The following CACNA2D3 variants were observed in gnomAD, a reference collection of about 807,000 sequenced individuals.
The protein encoded by CACNA2D3 is voltage-dependent calcium channel subunit alpha-2/delta-3.
In CACNA2D3, 60 loss-of-function variants were observed where a neutral mutation model predicts 160.6. That is an observed-to-expected ratio of 0.37 (90% confidence interval 0.30 to 0.46). CACNA2D3 has a LOEUF of 0.46. Ranked by LOEUF, CACNA2D3 falls within the 20% of genes least tolerant of loss-of-function variation. CACNA2D3 has a pLI of 1.00. For missense variants in CACNA2D3, 1,205 were observed against 1,365.0 expected (o/e 0.88, Z 1.85); for synonymous variants, 558 against 492.9 (o/e 1.13, Z -1.75).
chr3:54,799,409 TTC>T (rs762448801), intron 13 of CACNA2D3, among the ~76,000 whole-genome samples: 1 of 152,208 alleles, frequency 6.6e-6, no homozygotes, highest in African/African-American at 2.4e-5. Flanking sequence ...GAAGATTTTG[TTC>T]ACTTTCCAAT....
rs1487131674 is a variant in CACNA2D3 at position 54,321,937 on chromosome 3, A to AC, written c.321+1379_321+1380insC. Reference sequence around the variant, plus strand: ...GAAATCCTTGCAAAAAAAAAAAAAAAAAAAACTAGTAACAGCATTGTCAAT... The same window carrying AC: ...GAAATCCTTGCAAAAAAAAAAAAAAACAAAAACTAGTAACAGCATTGTCAAT... On this transcript the variant is annotated intron_variant, in intron 3 of 37. Transcript: ENST00000474759. 3.9e-5 allele frequency among the ~76,000 whole-genome samples: 6 copies of AC among 152,182 alleles called. No individual in the cohort carries two copies. The East Asian group carries it at 1.2e-3, about 29-fold the overall frequency.
At chr3:54,647,735 G>C (rs985762026) in intron 11 of CACNA2D3, among the ~76,000 whole-genome samples, 1 of 152,234 alleles carries the variant, frequency 6.6e-6, no homozygotes, top group Non-Finnish European at 1.5e-5. Flanking sequence ...AAGCATTTTA[G>C]AGTGAGTTGG....
intron 13 of CACNA2D3, among the ~76,000 whole-genome samples, chr3:54,778,416 C>G (rs1363370713): frequency 2.6e-5 from 4 of 152,034 alleles, no homozygotes; most frequent in African/African-American, 7.2e-5. Flanking sequence ...CTGCTTTTCT[C>G]TCTGCAGGAA....
intron 5 of CACNA2D3, among the ~76,000 whole-genome samples, chr3:54,519,370 G>A (rs1284260801): frequency 6.6e-6 from 1 of 152,180 alleles, no homozygotes. Flanking sequence ...CAATCTGGGG[G>A]ACGCTCTGAT....
At chr3:54,706,616 C>G (rs1323220818) in intron 11 of CACNA2D3, among the ~76,000 whole-genome samples, 6 of 152,132 alleles carry the variant, frequency 3.9e-5, no homozygotes, top group Non-Finnish European at 8.8e-5. Flanking sequence ...TAGACTGTAC[C>G]TTTTACTGAA....
At chr3:54,176,497 T>C (rs1700680993) in intron 2 of CACNA2D3, among the ~76,000 whole-genome samples, 1 of 152,222 alleles carries the variant, frequency 6.6e-6, no homozygotes, top group Non-Finnish European at 1.5e-5. Context: ...CATTTTATAA[T>C]GTTTTAATTC....
chr3:54,394,250 T>C (rs1302754885), intron 4 of CACNA2D3, among the ~76,000 whole-genome samples: 1 of 151,550 alleles, frequency 6.6e-6, no homozygotes. Context: ...AGCTGCTTGG[T>C]TGTGCCCCAG....
At chr3:54,318,385 C>T (rs1347499185) in intron 2 of CACNA2D3, among the ~76,000 whole-genome samples, 5 of 151,886 alleles carry the variant, frequency 3.3e-5, no homozygotes, top group East Asian at 3.9e-4. Flanking sequence ...TTTCAGGGAG[C>T]GGGGGGAAAC....
chr3:54,217,854 C>T (rs780143215), intron 2 of CACNA2D3, among the ~76,000 whole-genome samples: 120 of 144,134 alleles, frequency 8.3e-4, no homozygotes, highest in Non-Finnish European at 1.4e-3. Context: ...TAATATAGGC[C>T]TGAGAGACAG....
At chr3:54,811,629 C>T (rs1231929221) in intron 13 of CACNA2D3, among the ~76,000 whole-genome samples, 1 of 151,910 alleles carries the variant, frequency 6.6e-6, no homozygotes, top group Non-Finnish European at 1.5e-5. Flanking sequence ...TCCCAAGTAG[C>T]TGGGATTACA....
At chr3:54,950,535 A>C (rs574637965) in intron 27 of CACNA2D3, among the ~76,000 whole-genome samples, 1 of 152,192 alleles carries the variant, frequency 6.6e-6, no homozygotes, top group Non-Finnish European at 1.5e-5. Context: ...GCAGTTTGCA[A>C]TGCTTCCTCC....
At chr3:54,290,164 C>G (rs1006652763) in intron 2 of CACNA2D3, among the ~76,000 whole-genome samples, 41 of 152,094 alleles carry the variant, frequency 2.7e-4, no homozygotes, top group African/African-American at 9.2e-4. Context: ...ACTTATCTGA[C>G]AAAGGGCTAA....
intron 35 of CACNA2D3, among the ~76,000 whole-genome samples, chr3:55,039,372 A>G (rs140496725): frequency 6.4e-4 from 97 of 152,296 alleles, no homozygotes; most frequent in African/African-American, 2.2e-3. Context: ...TGATGCACAA[A>G]TCTCTTTTTG....
At chr3:54,836,771 T>C (rs1007311859) in intron 14 of CACNA2D3, among the ~76,000 whole-genome samples, 1 of 152,210 alleles carries the variant, frequency 6.6e-6, no homozygotes, top group Non-Finnish European at 1.5e-5. Flanking sequence ...GCATGCTTTC[T>C]GATCCTCAAT....
intron 27 of CACNA2D3, among the ~76,000 whole-genome samples, chr3:54,907,764 C>T (rs1294721116): frequency 3.3e-5 from 5 of 152,112 alleles, no homozygotes; most frequent in South Asian, 2.1e-4. Flanking sequence ...GGAAACCACT[C>T]GTGTGCTTTC....
At chr3:54,687,185 G>T (rs1700479735) in intron 11 of CACNA2D3, among the ~76,000 whole-genome samples, 1 of 134,430 alleles carries the variant, frequency 7.4e-6, no homozygotes, top group African/African-American at 2.8e-5. Flanking sequence ...CTGTCACCCA[G>T]GCTGGAGTGC....
intron 3 of CACNA2D3, among the ~76,000 whole-genome samples, chr3:54,374,325 C>T (rs914199169): frequency 6.6e-6 from 1 of 152,186 alleles, no homozygotes; most frequent in Non-Finnish European, 1.5e-5. Flanking sequence ...ATCACTTCAG[C>T]TGGAGAATAT....
intron 11 of CACNA2D3, among the ~76,000 whole-genome samples, chr3:54,740,618 T>C (rs1313888000): frequency 1.3e-5 from 2 of 152,164 alleles, no homozygotes; most frequent in Non-Finnish European, 2.9e-5. Flanking sequence ...CTGTCTGCCT[T>C]TTGGAGAATC....
intron 2 of CACNA2D3, among the ~76,000 whole-genome samples, chr3:54,309,331 T>C (rs1257007878): frequency 6.6e-6 from 1 of 152,254 alleles, no homozygotes; most frequent in Non-Finnish European, 1.5e-5. Context: ...AGGAATGTAA[T>C]GCAGTATTCA....
Sources: allele counts gnomAD v4.1 joint callset (sites outside exome capture counted in the v4.1 genomes callset), GRCh38; gene constraint gnomAD v4.1.1; transcripts MANE v1.5; gene names NCBI Gene and HGNC (gene_info 2026-07-23, HGNC 2026-07-21).